TMIGD3: variants seen among roughly 807,000 people sequenced by gnomAD.
The protein encoded by TMIGD3 is AD026 protein (AD026).
In TMIGD3, 21 loss-of-function variants were observed where a neutral mutation model predicts 28.1. That is an observed-to-expected ratio of 0.75 (90% CI 0.53 to 1.08). TMIGD3 has a LOEUF of 1.08. Ranked by LOEUF, TMIGD3 falls within the 50% of genes least tolerant of loss-of-function variation. The probability of loss-of-function intolerance (pLI) is 0.00; values close to 1 mark genes in which losing one functional copy is unlikely to be tolerated. For missense variants in TMIGD3, 416 were observed against 435.6 expected (o/e 0.96, Z 0.40); for synonymous variants, 151 against 162.1 (o/e 0.93, Z 0.52).
chr1:111,526,149 G>T (rs1187554241), intron 1 of TMIGD3, among the ~76,000 whole-genome samples: 1 of 151,950 alleles, frequency 6.6e-6, no homozygotes, highest in East Asian at 1.9e-4. Flanking sequence ...AAAATTGAGT[G>T]GTAAGTACAG....
intron 1 of TMIGD3, among the ~76,000 whole-genome samples, chr1:111,540,544 G>T (rs1298966564): frequency 6.6e-6 from 1 of 152,334 alleles, no homozygotes; most frequent in East Asian, 1.9e-4. Context: ...ATCTTTCTGG[G>T]TTCTGGTTGG....
At chr1:111,527,541 T>C (rs1028696881) in intron 1 of TMIGD3, among the ~76,000 whole-genome samples, 5 of 152,240 alleles carry the variant, frequency 3.3e-5, no homozygotes, top group African/African-American at 9.6e-5. Context: ...ACATGATTGC[T>C]TGATTGTATG....
At chr1:111,563,866 G>A (rs1194122706) in exon 1 of TMIGD3, 2 of 1,613,264 alleles carry the variant, frequency 1.2e-6, no homozygotes, top group South Asian at 2.2e-5. Flanking sequence ...GACTCAAGCA[G>A]CCCAGTGTCC....
At position 111,483,644 on chromosome 1, in the gene TMIGD3, T is replaced by G; in HGVS notation, c.*43A>C. The G allele has an allele frequency of 6.8e-7, 1 of 1,462,994 alleles. No homozygotes were observed. Among genetic ancestry groups the G allele is most frequent in the Non-Finnish European group, 9.6e-7 (1 of 1,044,770 alleles). 90.6% of individuals were successfully genotyped at this position (1,462,994 alleles called of 1,614,324 possible). A position where few individuals can be genotyped will look rare whatever the true frequency, so the allele number is the denominator to read the frequency against. ...GGGCCAGTTGTCATGGTGATTATTC[T>G]GTTGTAGCATCACTTTATGAACTAA... is the stretch of plus-strand genomic sequence containing the variant. On this transcript the variant is annotated 3_prime_UTR_variant, in exon 6 of 6. Transcript: ENST00000369716.
chr1:111,515,785 C>G (rs1332694912), intron 1 of TMIGD3, among the ~76,000 whole-genome samples: 1 of 152,214 alleles, frequency 6.6e-6, no homozygotes, highest in Non-Finnish European at 1.5e-5. Flanking sequence ...CGACCTGATT[C>G]ATCCAAGACA....
Position 111,527,773 on chromosome 1 carries a change from T to C in TMIGD3, c.107+36073A>G, listed in dbSNP as rs1483970704. ...ATATGAGATGGATCATCTTTTCATA[T>C]GCTTATTTGCCATCCTTATATCATC... On this transcript the variant is annotated intron_variant, in intron 1 of 5. Transcript: ENST00000369717. Among the ~76,000 whole-genome samples, 4 of 152,256 alleles carry C rather than the reference T, an allele frequency of 2.6e-5. No homozygotes were observed. The South Asian group carries it at 8.3e-4, about 32-fold the overall frequency.
chr1:111,501,955 C>T lies in TMIGD3; in HGVS notation c.350+1050G>A, dbSNP rs779779970. ...TCACATGTAATGAAGAATATTTTTA[C>T]GAAAAAAGCTCTCACATCTCAGGAG... On this transcript the variant is annotated intron_variant, in intron 1 of 5. Transcript: ENST00000369716. Among the ~76,000 whole-genome samples, 45 of 148,112 alleles carry T rather than the reference C, an allele frequency of 3.0e-4. 1 individual carries two copies. Among genetic ancestry groups the T allele is most frequent in the Middle Eastern group, 7.1e-3 (2 of 280 alleles).
At chr1:111,503,802 A>G, upstream of TMIGD3, 1 of 1,005,648 alleles carries the variant, frequency 9.9e-7, no homozygotes, top group Non-Finnish European at 1.2e-6. Context: ...TCTCAGCAAA[A>G]AGATGGAAAG....
intron 1 of TMIGD3, among the ~76,000 whole-genome samples, chr1:111,530,470 T>C (rs1656422505): frequency 6.6e-6 from 1 of 152,242 alleles, no homozygotes; most frequent in Non-Finnish European, 1.5e-5. Context: ...CTTCTGCCAA[T>C]AGAACTTCCT....
chr1:111,545,610 T>C (rs1280398374), intron 1 of TMIGD3, among the ~76,000 whole-genome samples: 1 of 152,152 alleles, frequency 6.6e-6, no homozygotes, highest in Non-Finnish European at 1.5e-5. Flanking sequence ...TTTGGTGCAC[T>C]AAAGTTTTTA....
intron 1 of TMIGD3, among the ~76,000 whole-genome samples, chr1:111,512,815 C>T (rs1655736014): frequency 1.3e-5 from 2 of 152,220 alleles, no homozygotes; most frequent in African/African-American, 4.8e-5. Flanking sequence ...GGGTGTGTTC[C>T]ATAGACCCTG....
intron 1 of TMIGD3, among the ~76,000 whole-genome samples, chr1:111,561,918 C>T (rs999876894): frequency 6.6e-6 from 1 of 151,638 alleles, no homozygotes; most frequent in Non-Finnish European, 1.5e-5. Flanking sequence ...TCCTCCTTGC[C>T]CCTGGCCTCT....
In TMIGD3 at chr1:111,483,633, G is replaced by T; in HGVS notation, c.*54C>A. The T allele has an allele frequency of 7.2e-7, 1 of 1,391,956 alleles. No homozygotes were observed. Among genetic ancestry groups the T allele is most frequent in the Non-Finnish European group, 1.0e-6 (1 of 982,818 alleles). 86.2% of individuals were successfully genotyped at this position (1,391,956 alleles called of 1,614,324 possible). On this transcript the variant is annotated 3_prime_UTR_variant, in exon 6 of 6. Transcript: ENST00000369716. ...CTCTGAGGTGTGGGCCAGTTGTCAT[G>T]GTGATTATTCTGTTGTAGCATCACT...
At chr1:111,508,028 T>G (rs1358491125), upstream of TMIGD3, among the ~76,000 whole-genome samples, 2 of 152,188 alleles carry the variant, frequency 1.3e-5, no homozygotes, top group East Asian at 3.9e-4. Context: ...AGCCCAAGAC[T>G]CACAGGCTGT....
chr1:111,486,265 T>C (rs1406190500), intron 4 of TMIGD3, among the ~76,000 whole-genome samples: 1 of 152,204 alleles, frequency 6.6e-6, no homozygotes, highest in East Asian at 1.9e-4. Flanking sequence ...GTGATGATGT[T>C]CCTGACAATT....
chr1:111,548,854 A>G (rs551868407), intron 1 of TMIGD3, among the ~76,000 whole-genome samples: 82 of 152,310 alleles, frequency 5.4e-4, no homozygotes, highest in African/African-American at 1.9e-3. Flanking sequence ...TTCTTGCTTC[A>G]ATTTTAACAA....
At chr1:111,547,104 T>C (rs1450396509) in intron 1 of TMIGD3, among the ~76,000 whole-genome samples, 1 of 152,194 alleles carries the variant, frequency 6.6e-6, no homozygotes, top group Non-Finnish European at 1.5e-5. Context: ...AACTAATTTT[T>C]GTATATTGGT....
upstream of TMIGD3, among the ~76,000 whole-genome samples, chr1:111,508,601 G>T (rs907651662): frequency 6.6e-6 from 1 of 152,178 alleles, no homozygotes; most frequent in African/African-American, 2.4e-5. Context: ...AATATTCCTG[G>T]GCAGTACCAA....
intron 1 of TMIGD3, among the ~76,000 whole-genome samples, chr1:111,528,068 C>A (rs1011599107): frequency 2.0e-5 from 3 of 152,014 alleles, no homozygotes; most frequent in African/African-American, 7.2e-5. Flanking sequence ...TATAAAAACG[C>A]ATCATCATAT....
Sources: gnomAD v4.1 joint callset for allele counts (sites outside exome capture counted in the v4.1 genomes callset) on GRCh38, gnomAD v4.1.1 for gene constraint, MANE v1.5 for transcripts, NCBI Gene and HGNC (gene_info 2026-07-23, HGNC 2026-07-21) for gene names.